Variants in URI1 observed in about 807,000 individuals in gnomAD.
The protein encoded by URI1 is URI1 prefoldin like chaperone, also known as unconventional prefoldin RPB5 interactor 1.
Under a neutral mutation model 60.2 loss-of-function variants are expected in URI1, and 39 were observed. The ratio of observed to expected loss-of-function variants is 0.65; its 90% CI spans 0.50 to 0.85. The LOEUF (loss-of-function observed/expected upper bound fraction) is 0.85. Among genes scored for constraint, URI1 ranks in the 40% least tolerant of loss-of-function variants. The probability of loss-of-function intolerance (pLI) is 0.00; values close to 1 mark genes in which losing one functional copy is unlikely to be tolerated. For synonymous variants in URI1, 251 were observed against 236.8 expected (o/e 1.06, Z -0.55); for missense variants, 691 against 665.9 (o/e 1.04, Z -0.42).
chr19:29,939,986 C>T (rs1030755104), upstream of URI1, among the ~76,000 whole-genome samples: 2 of 152,134 alleles, frequency 1.3e-5, no homozygotes, highest in South Asian at 4.2e-4. Flanking sequence ...GACCTGATCC[C>T]CTTTGAAAAG....
intron 2 of URI1, chr19:29,980,183 A>G (rs1261870754): frequency 6.6e-6 from 1 of 152,082 alleles, no homozygotes; most frequent in Non-Finnish European, 1.5e-5. Context: ...GCATCCTTCA[A>G]GCTAGTGGAT....
At chr19:29,961,127 C>T (rs772141677) in intron 1 of URI1, among the ~76,000 whole-genome samples, 1 of 151,884 alleles carries the variant, frequency 6.6e-6, no homozygotes, top group Non-Finnish European at 1.5e-5. Context: ...TCTCAAAGTG[C>T]TGGGAAATAG....
rs547395843 is a variant in URI1, at chr19:29,966,495, A to AT, written c.118-4691dup. 3.5e-3 allele frequency among the ~76,000 whole-genome samples: 532 copies of AT among 152,156 alleles called. 5 individuals carry two copies. Among genetic ancestry groups the AT allele is most frequent in the African/African-American group, 0.012 (516 of 41,510 alleles). On this transcript the variant is annotated intron_variant, in intron 1 of 10. Coordinates refer to ENST00000392271, the MANE Select transcript of URI1 (RefSeq NM_003796.3). The stretch of plus-strand genomic sequence containing the variant: ...TACAGTTTATCCCAGTGCTTATTGC[A>AT]TTTTTTTCTGTTAGGAACCTGTAGT...
At chr19:29,947,838 A>G (rs948284347) in intron 1 of URI1, among the ~76,000 whole-genome samples, 1 of 152,042 alleles carries the variant, frequency 6.6e-6, no homozygotes, top group Admixed American at 6.5e-5. Context: ...TTTTTGTCTT[A>G]TTTTTAAGAG....
At chr19:30,004,144 T>A (rs2055911091) in intron 4 of URI1, among the ~76,000 whole-genome samples, 1 of 152,080 alleles carries the variant, frequency 6.6e-6, no homozygotes, top group Non-Finnish European at 1.5e-5. Context: ...AAGGTCTAAT[T>A]GTTGCAGAAA....
chr19:29,991,952 A>T (rs2055751992), intron 4 of URI1, among the ~76,000 whole-genome samples: 1 of 152,056 alleles, frequency 6.6e-6, no homozygotes, highest in Non-Finnish European at 1.5e-5. Context: ...ATCATGGTGT[A>T]TTCTTTCATG....
At chr19:29,985,450 C>A in intron 3 of URI1, 149 bp downstream of exon 3, 2 of 545,172 alleles carry the variant, frequency 3.7e-6, no homozygotes, top group Non-Finnish European at 6.1e-6. Flanking sequence ...TATAAGAACA[C>A]AGTAATTGTA....
chr19:29,942,715 G>A lies in URI1; in HGVS notation c.117+51G>A, dbSNP rs772658083. The A allele has an allele frequency of 4.5e-6, 6 of 1,345,552 alleles. No homozygotes were observed. In the South Asian group the frequency reaches 7.4e-5, roughly 17 times the overall value. The allele number at this position is 1,345,552 out of a possible 1,614,324, so 83.4% of individuals were successfully genotyped here. On this transcript the variant is annotated intron_variant, in intron 1 of 10. Coordinates refer to ENST00000392271, the MANE Select transcript of URI1 (RefSeq NM_003796.3). ...CGCCTCCGCCCGCCGGGCTGCCCCTGCCTGTGCTCTGGGCCGCCGCCCCGC... is the reference window on the plus strand; with the variant it reads ...CGCCTCCGCCCGCCGGGCTGCCCCTACCTGTGCTCTGGGCCGCCGCCCCGC...
intron 4 of URI1, among the ~76,000 whole-genome samples, chr19:29,999,874 C>T (rs1290390820): frequency 4.6e-5 from 7 of 151,984 alleles, no homozygotes. Context: ...TTTTGGCTCA[C>T]AGTTCCCATT....
chr19:29,952,672 T>A (rs2055194493), intron 1 of URI1, among the ~76,000 whole-genome samples: 1 of 151,896 alleles, frequency 6.6e-6, no homozygotes, highest in Non-Finnish European at 1.5e-5. Context: ...AGTTTAGAGA[T>A]CTTTTATTCT....
Position 30,007,495 on chromosome 19 carries a change from G to A in URI1, c.543G>A (p.Pro181=), listed in dbSNP as rs577451024. 3.6e-5 allele frequency: 58 copies of A among 1,612,716 alleles called. No individual in the cohort carries two copies. Among genetic ancestry groups the A allele is most frequent in the African/African-American group, 3.2e-4 (24 of 74,864 alleles). Reference sequence around the variant, plus strand: ...CAAAACACCGAATTGCTCATAAACCGCATTCCAAACCAAAAACTTCAGATA... The same window carrying A: ...CAAAACACCGAATTGCTCATAAACCACATTCCAAACCAAAAACTTCAGATA... The part of the protein sequence containing the change: ...FKAKHRIAHK[P]HSKPKTSDIF... Residue 181 remains proline, a synonymous_variant, in exon 7 of 11, where the codon CCG becomes CCA. Coordinates refer to ENST00000392271, the MANE Select transcript of URI1 (RefSeq NM_003796.3).
intron 2 of URI1, among the ~76,000 whole-genome samples, chr19:29,972,982 AG>A (rs1324741323): frequency 6.6e-6 from 1 of 152,112 alleles, no homozygotes; most frequent in Non-Finnish European, 1.5e-5. Context: ...GGTTTGGTTC[AG>A]GAAACAGACT....
chr19:30,009,393 T>A, intron 8 of URI1, 40 bp downstream of exon 8: 2 of 1,521,704 alleles, frequency 1.3e-6, no homozygotes, highest in Non-Finnish European at 1.8e-6. Flanking sequence ...GCATATAATT[T>A]GAACATTAAG....
chr19:30,004,464 A>G (rs1223966306), intron 4 of URI1: 2 of 152,024 alleles, frequency 1.3e-5, no homozygotes, highest in East Asian at 1.9e-4. Flanking sequence ...AGAAAGAACT[A>G]TGTACTTTTC....
At position 29,971,176 on chromosome 19, in the gene URI1, A is replaced by G; in HGVS notation, c.118-17A>G. On this transcript the variant is annotated splice_polypyrimidine_tract_variant and intron_variant, in intron 1 of 10. Coordinates refer to ENST00000392271, the MANE Select transcript of URI1 (RefSeq NM_003796.3). ...TAGCTCTGTTTTTTCATGAGTAGTT[A>G]TCTGTTTTCATGACAGGTGGTCACT... 1 of 1,612,010 alleles carries G rather than the reference A, an allele frequency of 6.2e-7. No homozygotes were observed. Among genetic ancestry groups the G allele is most frequent in the Non-Finnish European group, 8.5e-7 (1 of 1,179,036 alleles).
At chr19:29,957,442 A>G (rs2055263456) in intron 1 of URI1, among the ~76,000 whole-genome samples, 1 of 152,038 alleles carries the variant, frequency 6.6e-6, no homozygotes, top group Admixed American at 6.6e-5. Flanking sequence ...TGTTTCATAA[A>G]TTATGTGATT....
At chr19:29,991,205 C>T (rs895536886) in intron 4 of URI1, among the ~76,000 whole-genome samples, 2 of 152,132 alleles carry the variant, frequency 1.3e-5, no homozygotes, top group Non-Finnish European at 2.9e-5. Flanking sequence ...GGAGAATTGA[C>T]CTCTTAACTA....
intron 1 of URI1, chr19:29,957,005 G>A (rs546897137): frequency 5.5e-4 from 393 of 711,050 alleles, no homozygotes; most frequent in Middle Eastern, 1.5e-3. Flanking sequence ...AGTAAACGCA[G>A]CAAAAAAAAG....
chr19:30,015,367 T>C lies in URI1; in HGVS notation c.*298T>C. 7.0e-7 allele frequency: 1 copy of C among 1,431,584 alleles called. No homozygotes were observed. The highest frequency in any genetic ancestry group is 9.1e-7 in the Non-Finnish European group (1 of 1,100,982). The allele number at this position is 1,431,584 out of a possible 1,614,324, so 88.7% of individuals were successfully genotyped here. A position where few individuals can be genotyped will look rare whatever the true frequency, so the allele number is the denominator to read the frequency against. On this transcript the variant is annotated 3_prime_UTR_variant, in exon 11 of 11. Transcript: ENST00000392271. Reference sequence around the variant, plus strand: ...TTTCAAAGAATACTGTTCATATGCATTGTTTTTGTGTTTCAAACTAAATAC... The same window carrying C: ...TTTCAAAGAATACTGTTCATATGCACTGTTTTTGTGTTTCAAACTAAATAC...
Sources: gnomAD v4.1 joint callset for allele counts (sites outside exome capture counted in the v4.1 genomes callset) on GRCh38, gnomAD v4.1.1 for gene constraint, MANE v1.5 for transcripts, NCBI Gene and HGNC (gene_info 2026-07-23, HGNC 2026-07-21) for gene names.